SPIDR: variants seen among roughly 807,000 people sequenced by gnomAD.
SPIDR encodes DNA repair-scaffolding protein.
Under a neutral mutation model 104.6 loss-of-function variants are expected in SPIDR, and 93 were observed. That is an observed-to-expected ratio of 0.89 (90% CI 0.75 to 1.06). The LOEUF (loss-of-function observed/expected upper bound fraction) is 1.06. Ranked by LOEUF, SPIDR falls within the 50% of genes least tolerant of loss-of-function variation. The probability of loss-of-function intolerance (pLI) is 0.00; values close to 1 mark genes in which losing one functional copy is unlikely to be tolerated. For missense variants in SPIDR, 1,154 were observed against 1,111.2 expected (o/e 1.04, Z -0.55); for synonymous variants, 431 against 416.9 (o/e 1.03, Z -0.41).
chr8:47,575,822 T>C (rs2059042798), intron 8 of SPIDR, among the ~76,000 whole-genome samples: 1 of 151,168 alleles, frequency 6.6e-6, no homozygotes, highest in African/African-American at 2.4e-5. Context: ...TAGCTGGGCA[T>C]GGTGGTGCGC....
At chr8:47,327,707 C>T (rs1554601318) in intron 5 of SPIDR, among the ~76,000 whole-genome samples, 2 of 152,088 alleles carry the variant, frequency 1.3e-5, no homozygotes, top group African/African-American at 4.8e-5. Flanking sequence ...GGATTACAGG[C>T]ACGTGCCACC....
intron 5 of SPIDR, among the ~76,000 whole-genome samples, chr8:47,339,964 C>T (rs1020939103): frequency 2.4e-4 from 36 of 152,206 alleles, no homozygotes; most frequent in African/African-American, 8.2e-4. Flanking sequence ...CAGGCGTGAG[C>T]CACCGCGCCT....
intron 5 of SPIDR, among the ~76,000 whole-genome samples, chr8:47,347,392 G>A (rs1452597246): frequency 2.6e-5 from 4 of 152,226 alleles, no homozygotes; most frequent in South Asian, 2.1e-4. Flanking sequence ...TGGAATAAGT[G>A]TGATGTGGTG....
At chr8:47,674,370 T>C (rs1005099677) in intron 11 of SPIDR, among the ~76,000 whole-genome samples, 8 of 152,230 alleles carry the variant, frequency 5.3e-5, no homozygotes, top group Non-Finnish European at 8.8e-5. Flanking sequence ...TAAGCAAGCA[T>C]TGTTCTCTGC....
rs182613962 is a variant in SPIDR at position 47,407,899 on chromosome 8, G to A, written c.815G>A (p.Arg272Gln). 40 of 1,605,702 alleles carry A rather than the reference G, an allele frequency of 2.5e-5. No homozygotes were observed. The East Asian group carries it at 3.4e-4, about 14-fold the overall frequency. ...LAERLNGLQNRERSAISLWRH... is the reference protein window; with the variant it reads ...LAERLNGLQNQERSAISLWRH... Reference sequence around the variant, plus strand: ...GAAAGACTAAATGGACTGCAGAATCGAGAGAGATCTGCTATTTCTTTGTGG... The same window carrying A: ...GAAAGACTAAATGGACTGCAGAATCAAGAGAGATCTGCTATTTCTTTGTGG... Residue 272 changes from arginine (R) to glutamine (Q), a missense_variant, in exon 7 of 20, where the codon CGA becomes CAA. Transcript: ENST00000297423.
intron 8 of SPIDR, among the ~76,000 whole-genome samples, chr8:47,557,520 A>G (rs565610628): frequency 6.6e-6 from 1 of 152,282 alleles, no homozygotes; most frequent in South Asian, 2.1e-4. Context: ...AACTGATTAT[A>G]TAATATTTGG....
At chr8:47,348,952 C>T (rs1364928521) in intron 5 of SPIDR, among the ~76,000 whole-genome samples, 4 of 152,190 alleles carry the variant, frequency 2.6e-5, no homozygotes, top group Non-Finnish European at 4.4e-5. Flanking sequence ...CTACTTCTGT[C>T]AACTTGTCAA....
chr8:47,678,862 T>C (rs1589118087), intron 11 of SPIDR, among the ~76,000 whole-genome samples: 1 of 152,122 alleles, frequency 6.6e-6, no homozygotes, highest in Non-Finnish European at 1.5e-5. Flanking sequence ...GATTAAGTGG[T>C]GATAAGCTTT....
intron 8 of SPIDR, among the ~76,000 whole-genome samples, chr8:47,446,076 T>C (rs2070534537): frequency 6.6e-6 from 1 of 152,216 alleles, no homozygotes; most frequent in Non-Finnish European, 1.5e-5. Flanking sequence ...CAACAGATTT[T>C]CAGTGTAGGT....
chr8:47,279,907 A>C lies in SPIDR; in HGVS notation c.79A>C (p.Arg27=). Residue 27 remains arginine, a synonymous_variant, in exon 2 of 20, where the codon AGA becomes CGA. Coordinates refer to ENST00000297423, the MANE Select transcript of SPIDR (RefSeq NM_001080394.4). ...NTECPSFPGE[R]PLQVRRAGLR... is the part of the protein sequence containing the mutation. Reference sequence around the variant, plus strand: ...AGAATGCCCATCCTTTCCAGGAGAAAGACCACTGCAGGTCAGAAGAGCAGG... The same window carrying C: ...AGAATGCCCATCCTTTCCAGGAGAACGACCACTGCAGGTCAGAAGAGCAGG... The C allele has an allele frequency of 4.3e-6, 7 of 1,613,958 alleles. No homozygotes were observed. The highest frequency in any genetic ancestry group is 5.9e-6 in the Non-Finnish European group (7 of 1,179,876).
intron 5 of SPIDR, among the ~76,000 whole-genome samples, chr8:47,379,578 T>C (rs961785989): frequency 3.8e-4 from 58 of 152,244 alleles, no homozygotes; most frequent in African/African-American, 1.7e-4. Flanking sequence ...GATTAAAATA[T>C]AAGATTTTAG....
chr8:47,489,802 T>G (rs80356204), intron 8 of SPIDR, among the ~76,000 whole-genome samples: 1 of 152,194 alleles, frequency 6.6e-6, no homozygotes, highest in African/African-American at 2.4e-5. Context: ...TAGCCATATG[T>G]AGAAAGCTGA....
intron 5 of SPIDR, among the ~76,000 whole-genome samples, chr8:47,345,228 C>T (rs1382257877): frequency 6.6e-6 from 1 of 152,122 alleles, no homozygotes; most frequent in African/African-American, 2.4e-5. Context: ...GAATCCTTTC[C>T]CCATTTCTTG....
chr8:47,260,913 CGGCGGCGCGCTGAGGA>C (rs755551453), upstream of SPIDR: 4 of 1,214,442 alleles, frequency 3.3e-6, no homozygotes, highest in South Asian at 1.6e-4. Context: ...CGAGGTGGGA[CGGCGGCGCGCTGAGGA>C]GGCGGTGCGC....
At chr8:47,409,449 G>A (rs2063207641) in intron 7 of SPIDR, among the ~76,000 whole-genome samples, 1 of 152,122 alleles carries the variant, frequency 6.6e-6, no homozygotes, top group Non-Finnish European at 1.5e-5. Flanking sequence ...TTTCCTGTGT[G>A]TTCCCTCCAT....
intron 1 of SPIDR, among the ~76,000 whole-genome samples, chr8:47,266,076 A>G (rs1161921846): frequency 6.6e-6 from 1 of 150,838 alleles, no homozygotes; most frequent in Non-Finnish European, 1.5e-5. Context: ...TTAATACAAC[A>G]TAAAACTCTC....
chr8:47,275,327 T>G (rs2036198658), intron 1 of SPIDR, among the ~76,000 whole-genome samples: 1 of 152,124 alleles, frequency 6.6e-6, no homozygotes. Flanking sequence ...AACATAAGCA[T>G]TTTGATAATA....
chr8:47,345,479 C>G (rs1416327078), intron 5 of SPIDR, among the ~76,000 whole-genome samples: 1 of 151,974 alleles, frequency 6.6e-6, no homozygotes, highest in Non-Finnish European at 1.5e-5. Flanking sequence ...CGCTAAAACA[C>G]TTTTTTTCAA....
At chr8:47,709,141 TTTTG>T (rs1563620833) in intron 14 of SPIDR, among the ~76,000 whole-genome samples, 3 of 151,530 alleles carry the variant, frequency 2.0e-5, no homozygotes, top group South Asian at 4.2e-4. Flanking sequence ...CCCGGCTAAT[TTTTG>T]TTTGTTTGTT....
Sources: gnomAD v4.1 joint callset for allele counts (sites outside exome capture counted in the v4.1 genomes callset) on GRCh38, gnomAD v4.1.1 for gene constraint, MANE v1.5 for transcripts, NCBI Gene and HGNC (gene_info 2026-07-23, HGNC 2026-07-21) for gene names.